The following C4orf36 variants were observed in gnomAD, a reference collection of about 807,000 sequenced individuals.
The protein encoded by C4orf36 is uncharacterized protein C4orf36.
A neutral mutation model predicts 12.2 loss-of-function variants in C4orf36; 11 were observed. The ratio of observed to expected loss-of-function variants is 0.90; its 90% CI spans 0.57 to 1.49. The LOEUF (loss-of-function observed/expected upper bound fraction) is 1.49. Among genes scored for constraint, C4orf36 ranks in the 40% most tolerant of loss-of-function variants. The pLI is 0.00. For synonymous variants in C4orf36, 54 were observed against 51.3 expected (o/e 1.05, Z -0.22); for missense variants, 137 against 133.9 (o/e 1.02, Z -0.11).
At chr4:86,885,605 C>T (rs572239142) in intron 4 of C4orf36, among the ~76,000 whole-genome samples, 137 of 152,230 alleles carry the variant, frequency 9.0e-4, no homozygotes, top group Middle Eastern at 3.4e-3. Context: ...TGGGCTGAGA[C>T]GGTGGGGTTT....
At chr4:86,908,816 C>T in the C4orf36 span, among the ~76,000 whole-genome samples, 1 of 152,046 alleles carries the variant, frequency 6.6e-6, no homozygotes, top group African/African-American at 2.4e-5. Flanking sequence ...TCTCAGACGT[C>T]GGAAGATCAA....
intron 4 of C4orf36, among the ~76,000 whole-genome samples, chr4:86,884,298 A>ACTTTTTTTTTTTTTTTTTTTT (rs1560471171): frequency 1.6e-5 from 2 of 125,250 alleles, no homozygotes; most frequent in Non-Finnish European, 3.4e-5. Context: ...AAAAAGACTG[A>ACTTTTTTTTTTTTTTTTTTTT]ATTTTTTTTT....
chr4:86,884,298 A>ACTTTTTT (rs1560471171), intron 4 of C4orf36, among the ~76,000 whole-genome samples: 2 of 125,250 alleles, frequency 1.6e-5, no homozygotes, highest in Non-Finnish European at 3.4e-5. Flanking sequence ...AAAAAGACTG[A>ACTTTTTT]ATTTTTTTTT....
At chr4:86,910,847 C>G in the C4orf36 span, among the ~76,000 whole-genome samples, 9,394 of 151,886 alleles carry the variant, frequency 0.062, 418 homozygotes, top group Non-Finnish European at 0.089. Flanking sequence ...GGGTGGATCA[C>G]GAGGTCAAGA....
rs1320521857 is a variant in C4orf36 at position 86,892,348 on chromosome 4, A to T, written c.-239T>A. ...GGTAAGAGCGCGCTGCGCTAAGCGC[A>T]CATGGCCGCGCACACGCCTCGGGGC... is the stretch of plus-strand genomic sequence containing the variant. On this transcript the variant is annotated 5_prime_UTR_variant, in exon 1 of 5. Transcript: ENST00000295898. The T allele has an allele frequency of 1.0e-6, 1 of 985,366 alleles. No homozygotes were observed. The highest frequency in any genetic ancestry group is 1.2e-6 in the Non-Finnish European group (1 of 829,974). 61.0% of individuals were successfully genotyped at this position (985,366 alleles called of 1,614,324 possible). A position where few individuals can be genotyped will look rare whatever the true frequency, so the allele number is the denominator to read the frequency against.
chr4:86,914,391 C>A, the C4orf36 span: 4 of 327,268 alleles, frequency 1.2e-5, no homozygotes, highest in Non-Finnish European at 2.2e-5. Context: ...CTTCTTCTTC[C>A]TTTTTTTTTT....
At chr4:86,880,431 G>C (rs1351782978) in intron 4 of C4orf36, among the ~76,000 whole-genome samples, 1 of 152,178 alleles carries the variant, frequency 6.6e-6, no homozygotes, top group African/African-American at 2.4e-5. Context: ...TCCAGCCTGG[G>C]TGACAGAGCG....
intron 4 of C4orf36, among the ~76,000 whole-genome samples, chr4:86,885,494 CTGTT>C (rs1747154477): frequency 1.3e-5 from 2 of 152,118 alleles, no homozygotes; most frequent in African/African-American, 2.4e-5. Flanking sequence ...ATTTGGCTCT[CTGTT>C]TGTCTGTTAT....
intron 4 of C4orf36, among the ~76,000 whole-genome samples, chr4:86,878,631 A>G (rs927372532): frequency 6.6e-6 from 1 of 152,190 alleles, no homozygotes; most frequent in Non-Finnish European, 1.5e-5. Flanking sequence ...CAACCAGGAG[A>G]AAAATTCTAA....
At chr4:86,913,007 A>G in the C4orf36 span, among the ~76,000 whole-genome samples, 1 of 151,534 alleles carries the variant, frequency 6.6e-6, no homozygotes. Context: ...TAGTGTCACA[A>G]TTTTCCATAA....
chr4:86,917,480 G>GGAAT, the C4orf36 span, among the ~76,000 whole-genome samples: 1 of 135,212 alleles, frequency 7.4e-6, no homozygotes, highest in Non-Finnish European at 1.6e-5. Context: ...AAGAAATAAA[G>GGAAT]AAAAAGAAAG....
At chr4:86,897,135 TG>T (rs2149426370), upstream of C4orf36, among the ~76,000 whole-genome samples, 1 of 151,990 alleles carries the variant, frequency 6.6e-6, no homozygotes, top group East Asian at 1.9e-4. Flanking sequence ...TCAAGGTGGG[TG>T]GATTGCTTGA....
chr4:86,878,963 T>C (rs756978874), intron 4 of C4orf36, among the ~76,000 whole-genome samples: 7 of 152,234 alleles, frequency 4.6e-5, no homozygotes, highest in African/African-American at 9.6e-5. Flanking sequence ...CCAGAAAGGT[T>C]TGGGAGGTCG....
chr4:86,915,849 C>A, the C4orf36 span, among the ~76,000 whole-genome samples: 1 of 151,986 alleles, frequency 6.6e-6, no homozygotes, highest in African/African-American at 2.4e-5. Context: ...AAGGAAAATG[C>A]CATGTGATGA....
At position 86,891,503 on chromosome 4, in the gene C4orf36, T is replaced by C; in HGVS notation, c.18A>G (p.Pro6=). The change falls in exon 2 of 5, where the codon CCA becomes CCG. Residue 6 remains proline, a synonymous_variant. Transcript: ENST00000295898. The stretch of plus-strand genomic sequence containing the variant: ...AAATGGTTTTCACTGTGTTCTTTCT[T>C]GGCACTCCATACGCCATGGTGAGTT... MAYGV[P]RKNTVKTILR... 6.2e-7 allele frequency: 1 copy of C among 1,614,140 alleles called. No individual in the cohort carries two copies. The highest frequency in any genetic ancestry group is 8.5e-7 in the Non-Finnish European group (1 of 1,180,032).
At chr4:86,891,648 C>CA in intron 1 of C4orf36, 55 bp from the exon 2 acceptor site, 1 of 1,452,020 alleles carries the variant, frequency 6.9e-7, no homozygotes, top group African/African-American at 1.5e-5. Context: ...ATTTTGTAGC[C>CA]AAATAATAGA....
At chr4:86,904,899 A>G in the C4orf36 span, among the ~76,000 whole-genome samples, 17 of 152,134 alleles carry the variant, frequency 1.1e-4, no homozygotes, top group South Asian at 1.9e-3. Flanking sequence ...CCTAACCCCT[A>G]ATGTAATTAT....
the C4orf36 span, chr4:86,934,429 C>T: frequency 3.3e-5 from 5 of 152,204 alleles, no homozygotes; most frequent in African/African-American, 9.7e-5. Flanking sequence ...AGGCTAGATT[C>T]AGGAGACCTG....
At chr4:86,910,071 C>T in the C4orf36 span, among the ~76,000 whole-genome samples, 3 of 152,098 alleles carry the variant, frequency 2.0e-5, no homozygotes, top group Non-Finnish European at 4.4e-5. Flanking sequence ...AGAAGGAGCA[C>T]CCCACTGCAT....
Sources: gnomAD v4.1 joint callset for allele counts (sites outside exome capture counted in the v4.1 genomes callset) on GRCh38, gnomAD v4.1.1 for gene constraint, MANE v1.5 for transcripts, NCBI Gene and HGNC (gene_info 2026-07-23, HGNC 2026-07-21) for gene names.